Variants in ZC3H12B observed in about 807,000 individuals in gnomAD.
The protein encoded by ZC3H12B is zinc finger CCCH-type containing 12B.
ZC3H12B carries 7 observed loss-of-function variants against 43.9 expected under a neutral mutation model. That is an observed-to-expected ratio of 0.16 (90% CI 0.09 to 0.30). ZC3H12B has a LOEUF of 0.30. Among genes scored for constraint, ZC3H12B ranks in the 10% least tolerant of loss-of-function variants. ZC3H12B has a pLI of 1.00. For missense variants in ZC3H12B, 475 were observed against 670.2 expected (o/e 0.71, Z 3.22); for synonymous variants, 222 against 241.7 (o/e 0.92, Z 0.76).
the ZC3H12B span, among the ~76,000 whole-genome samples, chrX:65,337,204 C>T: frequency 1.8e-5 from 2 of 111,647 alleles, no homozygotes; most frequent in South Asian, 3.8e-4. Flanking sequence ...CCAATTGGTG[C>T]TGCAGTCTAT....
the ZC3H12B span, chrX:65,357,182 A>G: frequency 2.7e-5 from 11 of 412,810 alleles, no homozygotes; most frequent in African/African-American, 1.3e-4. Flanking sequence ...TTCATTCCCA[A>G]TCTTTTATAA....
the ZC3H12B span, among the ~76,000 whole-genome samples, chrX:65,298,157 A>G: frequency 8.9e-6 from 1 of 111,926 alleles, no homozygotes; most frequent in Non-Finnish European, 1.9e-5. Context: ...GTGGGACTTA[A>G]TTAAACTAAA....
chrX:65,158,112 T>A, the ZC3H12B span, among the ~76,000 whole-genome samples: 54 of 109,035 alleles, frequency 5.0e-4, 1 homozygote, highest in African/African-American at 1.7e-3. Context: ...TCATCATTTT[T>A]TATGGCTGCA....
At chrX:65,431,225 G>A (rs1403958023) in intron 3 of ZC3H12B, among the ~76,000 whole-genome samples, 1 of 112,527 alleles carries the variant, frequency 8.9e-6, no homozygotes, top group Non-Finnish European at 1.9e-5. Context: ...GGTAGTTCTG[G>A]CAGAAACATT....
chrX:65,401,094 A>C (rs1602384252), intron 3 of ZC3H12B, among the ~76,000 whole-genome samples: 1 of 110,639 alleles, frequency 9.0e-6, no homozygotes, highest in East Asian at 2.8e-4. Flanking sequence ...AAAAAAAAAA[A>C]AAACACCTTC....
At chrX:65,334,847 A>G in the ZC3H12B span, among the ~76,000 whole-genome samples, 25,544 of 110,871 alleles carry the variant, frequency 0.23, 7,170 homozygotes, top group African/African-American at 0.8. Flanking sequence ...AAACAAGACA[A>G]GGCAATGATT....
At chrX:65,455,286 C>A (rs2067591107) in intron 3 of ZC3H12B, among the ~76,000 whole-genome samples, 3 of 112,041 alleles carry the variant, frequency 2.7e-5, no homozygotes, top group Admixed American at 1.9e-4. Context: ...CCTTAAAGGA[C>A]CTGATGGAGC....
the ZC3H12B span, among the ~76,000 whole-genome samples, chrX:65,266,178 C>T: frequency 9.8e-5 from 11 of 112,153 alleles, no homozygotes; most frequent in Non-Finnish European, 1.5e-4. Context: ...TCAGCAATGC[C>T]TGGTAAAGAC....
At chrX:65,456,189 G>C (rs886272967) in intron 3 of ZC3H12B, among the ~76,000 whole-genome samples, 2 of 111,209 alleles carry the variant, frequency 1.8e-5, no homozygotes, top group East Asian at 2.8e-4. Context: ...TGGCAAACTG[G>C]ATAAAGAGTC....
At chrX:65,222,224 C>A in the ZC3H12B span, among the ~76,000 whole-genome samples, 1 of 111,456 alleles carries the variant, frequency 9.0e-6, no homozygotes, top group African/African-American at 3.3e-5. Context: ...CCATCTATGA[C>A]AAATCCACAG....
intron 3 of ZC3H12B, among the ~76,000 whole-genome samples, chrX:65,463,952 C>A (rs2067785827): frequency 1.8e-5 from 2 of 111,700 alleles, no homozygotes; most frequent in Non-Finnish European, 3.8e-5. Context: ...TTGGTGCTGC[C>A]ACAGCTGCTG....
the ZC3H12B span, among the ~76,000 whole-genome samples, chrX:65,128,918 A>C: frequency 9.0e-6 from 1 of 111,254 alleles, no homozygotes; most frequent in Non-Finnish European, 1.9e-5. Context: ...GTCTTTCTAT[A>C]TTCAACTGGT....
At chrX:65,364,067 C>T (rs1427994964), upstream of ZC3H12B, among the ~76,000 whole-genome samples, 3 of 110,887 alleles carry the variant, frequency 2.7e-5, no homozygotes, top group Non-Finnish European at 3.8e-5. Flanking sequence ...TTTCCTATTC[C>T]TCACCCTGAT....
At chrX:65,079,450 G>C in the ZC3H12B span, among the ~76,000 whole-genome samples, 1 of 112,612 alleles carries the variant, frequency 8.9e-6, no homozygotes, top group Non-Finnish European at 1.9e-5. Context: ...ATTCAGGTCT[G>C]ACCCAGCACA....
chrX:65,256,798 A>T, the ZC3H12B span, among the ~76,000 whole-genome samples: 1 of 112,288 alleles, frequency 8.9e-6, no homozygotes, highest in Non-Finnish European at 1.9e-5. Context: ...CAAGGATATG[A>T]ACAGACACTT....
the ZC3H12B span, among the ~76,000 whole-genome samples, chrX:65,339,583 G>T: frequency 8.9e-6 from 1 of 111,854 alleles, no homozygotes; most frequent in East Asian, 2.8e-4. Flanking sequence ...TGCTCCCATA[G>T]GAGATTTTAG....
intron 3 of ZC3H12B, among the ~76,000 whole-genome samples, chrX:65,448,158 C>T (rs140427602): frequency 0.082 from 9,103 of 110,417 alleles, 1,024 homozygotes; most frequent in African/African-American, 0.29. Context: ...TGGCGTGAAC[C>T]CAGGAGGCAG....
chrX:65,180,253 C>A, the ZC3H12B span, among the ~76,000 whole-genome samples: 3 of 111,895 alleles, frequency 2.7e-5, no homozygotes, highest in Admixed American at 9.5e-5. Flanking sequence ...ATGACAAAAA[C>A]CACATAATTA....
At chrX:65,179,303 T>G in the ZC3H12B span, among the ~76,000 whole-genome samples, 87 of 109,694 alleles carry the variant, frequency 7.9e-4, no homozygotes, top group African/African-American at 2.6e-3. Context: ...AGATACGTAA[T>G]GTAGATGACG....
Sources: gnomAD v4.1 joint callset for allele counts (sites outside exome capture counted in the v4.1 genomes callset) on GRCh38, gnomAD v4.1.1 for gene constraint, MANE v1.5 for transcripts, NCBI Gene and HGNC (gene_info 2026-07-23, HGNC 2026-07-21) for gene names.